CNTN5: variants seen among roughly 807,000 people sequenced by gnomAD.
The protein encoded by CNTN5 is contactin-5.
In CNTN5, 77 loss-of-function variants were observed where a neutral mutation model predicts 129.1. That is an observed-to-expected ratio of 0.60 (90% CI 0.50 to 0.72). The LOEUF (loss-of-function observed/expected upper bound fraction) is 0.72, where lower values mean the gene tolerates loss of function less well. Among genes scored for constraint, CNTN5 ranks in the 30% least tolerant of loss-of-function variants. CNTN5 has a pLI of 0.00. For synonymous variants in CNTN5, 509 were observed against 465.6 expected (o/e 1.09, Z -1.20); for missense variants, 1,478 against 1,328.8 (o/e 1.11, Z -1.75).
At chr11:100,262,816 C>G (rs549851996) in intron 17 of CNTN5, among the ~76,000 whole-genome samples, 1 of 152,106 alleles carries the variant, frequency 6.6e-6, no homozygotes, top group African/African-American at 2.4e-5. Context: ...GGAGGAATAG[C>G]ATTAGGAGAA....
chr11:100,196,262 C>T (rs1948635950), intron 15 of CNTN5, among the ~76,000 whole-genome samples: 2 of 151,958 alleles, frequency 1.3e-5, no homozygotes, highest in African/African-American at 4.8e-5. Flanking sequence ...AAGAAAAACA[C>T]ATTACCACTG....
At chr11:99,698,407 C>T (rs1954366923) in intron 3 of CNTN5, among the ~76,000 whole-genome samples, 1 of 151,292 alleles carries the variant, frequency 6.6e-6, no homozygotes, top group Non-Finnish European at 1.5e-5. Flanking sequence ...CCTGGAATCC[C>T]TTTGTAATAA....
intron 13 of CNTN5, among the ~76,000 whole-genome samples, chr11:100,122,958 G>A (rs1351673461): frequency 6.6e-6 from 1 of 152,058 alleles, no homozygotes; most frequent in East Asian, 1.9e-4. Context: ...TATTGAATAT[G>A]TTTTGTAGAT....
rs1591478869 is a variant in CNTN5 at position 99,686,381 on chromosome 11, TTAGG to T, written c.55+130116_55+130119del. ...TTTTATTTTGAATTTTTTTCTGTGG[TTAGG>T]TAGAGAATTTCGGTTTCTTTTTGCT... is the stretch of plus-strand genomic sequence containing the variant. On this transcript the variant is annotated intron_variant, in intron 3 of 24. Coordinates refer to ENST00000524871, the MANE Select transcript of CNTN5 (RefSeq NM_014361.4). Among the ~76,000 whole-genome samples the T allele has an allele frequency of 2.6e-5, 4 of 152,196 alleles. No individual in the cohort carries two copies. In the East Asian group the frequency reaches 7.7e-4, roughly 29 times the overall value.
At chr11:99,905,767 C>A (rs1445845393) in intron 6 of CNTN5, among the ~76,000 whole-genome samples, 1 of 152,138 alleles carries the variant, frequency 6.6e-6, no homozygotes, top group Non-Finnish European at 1.5e-5. Flanking sequence ...TCTTCCTATC[C>A]ATGAGCATGG....
chr11:100,029,063 T>TAG (rs369938491), intron 9 of CNTN5, among the ~76,000 whole-genome samples: 23 of 149,244 alleles, frequency 1.5e-4, no homozygotes, highest in African/African-American at 2.9e-4. Context: ...CGTTAGAAGA[T>TAG]AGAGAGAGAG....
chr11:99,774,459 C>A (rs1272199499), intron 3 of CNTN5, among the ~76,000 whole-genome samples: 3 of 148,870 alleles, frequency 2.0e-5, no homozygotes, highest in Non-Finnish European at 3.0e-5. Flanking sequence ...CAACTTTAAT[C>A]GAGCCCAATT....
At chr11:99,795,656 T>G (rs1945908622) in intron 3 of CNTN5, among the ~76,000 whole-genome samples, 1 of 151,984 alleles carries the variant, frequency 6.6e-6, no homozygotes, top group Non-Finnish European at 1.5e-5. Flanking sequence ...CTTTGGATCT[T>G]TTTTTAAAAA....
intron 1 of CNTN5, among the ~76,000 whole-genome samples, chr11:99,073,329 C>T (rs989016027): frequency 7.5e-5 from 11 of 146,066 alleles, no homozygotes; most frequent in Non-Finnish European, 1.2e-4. Flanking sequence ...AGGAGCCAGA[C>T]ATGTGCATGC....
At chr11:100,096,508 C>T (rs1329106138) in intron 13 of CNTN5, among the ~76,000 whole-genome samples, 1 of 152,056 alleles carries the variant, frequency 6.6e-6, no homozygotes, top group Non-Finnish European at 1.5e-5. Flanking sequence ...ATCTCCCTCC[C>T]ACCTGGGAGC....
At chr11:99,622,991 G>T (rs1167271729) in intron 3 of CNTN5, among the ~76,000 whole-genome samples, 1 of 152,108 alleles carries the variant, frequency 6.6e-6, no homozygotes, top group Admixed American at 6.6e-5. Context: ...TCTACATTCT[G>T]TAAAAATCCT....
At chr11:99,871,941 G>A (rs1236035913) in intron 6 of CNTN5, among the ~76,000 whole-genome samples, 2 of 151,052 alleles carry the variant, frequency 1.3e-5, no homozygotes, top group African/African-American at 2.4e-5. Context: ...ATATAATATT[G>A]TAACAAATGC....
At chr11:99,356,157 C>A (rs1384261933) in intron 2 of CNTN5, among the ~76,000 whole-genome samples, 1 of 150,706 alleles carries the variant, frequency 6.6e-6, no homozygotes, top group South Asian at 2.1e-4. Context: ...CCAATACGGA[C>A]ATTTTTTACA....
chr11:99,096,946 G>T (rs1028085911), intron 1 of CNTN5, among the ~76,000 whole-genome samples: 1 of 151,758 alleles, frequency 6.6e-6, no homozygotes, highest in African/African-American at 2.4e-5. Flanking sequence ...ATTTAATTAG[G>T]AGGAATGTCC....
chr11:99,167,834 G>A lies in CNTN5; in HGVS notation c.-210+146564G>A, dbSNP rs369588074. On this transcript the variant is annotated intron_variant, in intron 1 of 24. Transcript: ENST00000524871. ...TAATCTATTTTGATATAACTATAAT[G>A]AGATGAGGCTTGAATATCAACAGCT... 7.5e-4 allele frequency among the ~76,000 whole-genome samples: 114 copies of A among 152,124 alleles called. 4 individuals carry two copies. The South Asian group carries it at 0.023, about 30-fold the overall frequency.
intron 21 of CNTN5, among the ~76,000 whole-genome samples, chr11:100,322,133 A>G (rs1267666152): frequency 6.6e-6 from 1 of 152,222 alleles, no homozygotes; most frequent in African/African-American, 2.4e-5. Flanking sequence ...AGTTTTTGAA[A>G]TCATCTGGAG....
At chr11:99,823,762 C>A (rs2135574499) in intron 4 of CNTN5, among the ~76,000 whole-genome samples, 1 of 152,098 alleles carries the variant, frequency 6.6e-6, no homozygotes, top group Admixed American at 6.5e-5. Context: ...TTTGAGAGTT[C>A]TTGAGTATTT....
chr11:99,751,559 A>C (rs184740458), intron 3 of CNTN5, among the ~76,000 whole-genome samples: 40 of 152,304 alleles, frequency 2.6e-4, no homozygotes, highest in African/African-American at 9.6e-4. Flanking sequence ...ATATAAATTC[A>C]ATGATAAAAC....
chr11:100,311,365 G>A (rs915477353), intron 21 of CNTN5, among the ~76,000 whole-genome samples: 5 of 151,314 alleles, frequency 3.3e-5, no homozygotes, highest in African/African-American at 9.7e-5. Flanking sequence ...GGGTTTTAGA[G>A]TGAAAATCAA....
Sources: gnomAD v4.1 joint callset for allele counts (sites outside exome capture counted in the v4.1 genomes callset) on GRCh38, gnomAD v4.1.1 for gene constraint, MANE v1.5 for transcripts, NCBI Gene and HGNC (gene_info 2026-07-23, HGNC 2026-07-21) for gene names.